The following DPYSL4 variants were observed in gnomAD, a reference collection of about 807,000 sequenced individuals.
DPYSL4 encodes dihydropyrimidinase-related protein 4.
A neutral mutation model predicts 63.4 loss-of-function variants in DPYSL4; 43 were observed. That is an observed-to-expected ratio of 0.68 (90% CI 0.53 to 0.88). The LOEUF is 0.88. DPYSL4 is among the 40% of genes least tolerant of loss of function. DPYSL4 has a pLI of 0.00. For missense variants in DPYSL4, 733 were observed against 819.5 expected, an observed-to-expected ratio of 0.89 and a Z score of 1.29; for synonymous variants, 353 against 331.7, an observed-to-expected ratio of 1.06 and a Z score of -0.70.
chr10:132,197,271 A>C (rs566490249), intron 6 of DPYSL4, among the ~76,000 whole-genome samples, 170 bp downstream of exon 6: 67 of 152,332 alleles, frequency 4.4e-4, no homozygotes, highest in African/African-American at 1.6e-3. Flanking sequence ...GTCAAAGGTC[A>C]ACCAGTGAGT....
chr10:132,201,294 C>A (rs1202798236), intron 10 of DPYSL4, among the ~76,000 whole-genome samples: 1 of 152,144 alleles, frequency 6.6e-6, no homozygotes, highest in Non-Finnish European at 1.5e-5. Context: ...TAGTGCTCCC[C>A]CGCGATGCCC....
At chr10:132,199,005 G>A in intron 8 of DPYSL4, 34 bp downstream of exon 8, 1 of 1,533,122 alleles carries the variant, frequency 6.5e-7, no homozygotes, top group Non-Finnish European at 8.9e-7. Context: ...ATGCCGAGGG[G>A]CCATGGTCTC....
At chr10:132,190,553 CA>C (rs1321971288) in intron 1 of DPYSL4, among the ~76,000 whole-genome samples, 193 bp from the exon 2 acceptor site, 2 of 152,250 alleles carry the variant, frequency 1.3e-5, no homozygotes, top group Non-Finnish European at 2.9e-5. Flanking sequence ...GTGGCACTTC[CA>C]GGGGCAACTG....
chr10:132,202,182 C>T (rs926909649), intron 11 of DPYSL4, 66 bp downstream of exon 11: 227 of 1,562,282 alleles, frequency 1.5e-4, no homozygotes, highest in Non-Finnish European at 1.8e-4. Flanking sequence ...GCAGCCTTCC[C>T]AGGAGAGGCG....
chr10:132,189,975 G>A (rs570017115), intron 1 of DPYSL4, among the ~76,000 whole-genome samples: 11 of 152,288 alleles, frequency 7.2e-5, no homozygotes, highest in South Asian at 2.1e-4. Context: ...CTCCTCCCAG[G>A]TCTGCTGATG....
At position 132,192,440 on chromosome 10, in the gene DPYSL4, G is replaced by C. The variant is rs560986958; in HGVS notation, c.129-218G>C. ...GAAAACCACAGGGCGTGGCGTCTGC[G>C]TGAGGCTGGACCCTGCAGTGACCGT... is the stretch of plus-strand genomic sequence containing the variant. On this transcript the variant is annotated intron_variant, in intron 2 of 13. Coordinates refer to ENST00000338492, the MANE Select transcript of DPYSL4 (RefSeq NM_006426.3). The C allele has an allele frequency of 9.0e-5, 108 of 1,205,908 alleles. No individual in the cohort carries two copies. The East Asian group carries it at 2.0e-3, about 22-fold the overall frequency. The allele number at this position is 1,205,908 out of a possible 1,614,324, so 74.7% of individuals were successfully genotyped here.
intron 8 of DPYSL4, among the ~76,000 whole-genome samples, chr10:132,199,696 TGGTGGTGGTGGTG>T (rs2061987470): frequency 1.6e-5 from 1 of 63,676 alleles, no homozygotes; most frequent in South Asian, 5.3e-4. Context: ...GGGGGCGGGG[TGGTGGTGGTGGTG>T]GGTGGTGCCC....
Position 132,200,629 on chromosome 10 carries a change from C to T in DPYSL4, c.968+117C>T, listed in dbSNP as rs547091651. The T allele has an allele frequency of 1.2e-4, 172 of 1,430,608 alleles. No individual in the cohort carries two copies. The African/African-American group carries it at 2.1e-3, about 17-fold the overall frequency. 88.6% of individuals were successfully genotyped at this position (1,430,608 alleles called of 1,614,324 possible). On this transcript the variant is annotated intron_variant, in intron 9 of 13. Coordinates refer to ENST00000338492, the MANE Select transcript of DPYSL4 (RefSeq NM_006426.3). ...TCCCATAGGGCAGCCCGGACAGTGGCGGGTGGGGAAGTCTGAGCCCTTTGG... is the reference window on the plus strand; with the variant it reads ...TCCCATAGGGCAGCCCGGACAGTGGTGGGTGGGGAAGTCTGAGCCCTTTGG...
intron 9 of DPYSL4, 56 bp from the exon 10 acceptor site, chr10:132,200,786 C>A: frequency 6.3e-7 from 1 of 1,586,862 alleles, no homozygotes; most frequent in Admixed American, 1.7e-5. Flanking sequence ...CTGGAGCTGA[C>A]CTGGCCTCTG....
chr10:132,190,408 G>A (rs977666144), intron 1 of DPYSL4, among the ~76,000 whole-genome samples: 11 of 152,218 alleles, frequency 7.2e-5, no homozygotes, highest in Admixed American at 2.6e-4. Context: ...GGCAGCGTTC[G>A]CCTCCCACCT....
intron 8 of DPYSL4, among the ~76,000 whole-genome samples, 176 bp from the exon 9 acceptor site, chr10:132,200,180 C>T (rs1349164405): frequency 6.6e-6 from 1 of 152,212 alleles, no homozygotes; most frequent in Non-Finnish European, 1.5e-5. Flanking sequence ...CCACGTCTGC[C>T]CGCGACCCAG....
chr10:132,198,626 C>T (rs985638979), intron 7 of DPYSL4, 143 bp downstream of exon 7: 108 of 1,060,990 alleles, frequency 1.0e-4, no homozygotes, highest in Non-Finnish European at 1.3e-4. Context: ...GAATCCTCCC[C>T]GTGCCAGGCA....
intron 1 of DPYSL4, among the ~76,000 whole-genome samples, chr10:132,188,921 C>T (rs1395660423): frequency 6.6e-6 from 1 of 152,222 alleles, no homozygotes; most frequent in African/African-American, 2.4e-5. Context: ...AGTCTGCCAA[C>T]CGTTTGTAGA....
chr10:132,189,250 T>C (rs2061842699), intron 1 of DPYSL4, among the ~76,000 whole-genome samples: 1 of 152,254 alleles, frequency 6.6e-6, no homozygotes, highest in Non-Finnish European at 1.5e-5. Flanking sequence ...CGCCAGACGG[T>C]GGAGGGAAAA....
chr10:132,190,037 G>A (rs996868987), intron 1 of DPYSL4, among the ~76,000 whole-genome samples: 3 of 152,208 alleles, frequency 2.0e-5, no homozygotes, highest in African/African-American at 4.8e-5. Flanking sequence ...TGGCTGGAAC[G>A]CTCGCCATGT....
At chr10:132,197,627 G>A (rs1404490205) in intron 6 of DPYSL4, among the ~76,000 whole-genome samples, 2 of 152,210 alleles carry the variant, frequency 1.3e-5, no homozygotes, top group African/African-American at 2.4e-5. Context: ...ATGGAGTTCA[G>A]AGAGTGGGCC....
chr10:132,197,195 T>C, intron 6 of DPYSL4, 94 bp downstream of exon 6: 1 of 1,112,002 alleles, frequency 9.0e-7, no homozygotes, highest in Non-Finnish European at 1.2e-6. Context: ...AGGGTGACTT[T>C]CATGATACGC....
At chr10:132,200,140 T>TC (rs2061993571) in intron 8 of DPYSL4, among the ~76,000 whole-genome samples, 1 of 152,002 alleles carries the variant, frequency 6.6e-6, no homozygotes, top group Non-Finnish European at 1.5e-5. Flanking sequence ...CAGGCCAGAC[T>TC]CCCTTTCCCA....
At position 132,200,955 on chromosome 10, in the gene DPYSL4, G is replaced by T; in HGVS notation, c.1082G>T (p.Arg361Leu). The change falls in exon 10 of 14, where the codon CGC (arginine) becomes CTC (leucine). Residue 361 changes from arginine to leucine, a missense_variant. Coordinates refer to ENST00000338492, the MANE Select transcript of DPYSL4 (RefSeq NM_006426.3). ...GAGGGCACCAACGGCATTGAGGAGCGCATGTCGATGGTCTGGGAGAAATGT... is the reference window on the plus strand; with the variant it reads ...GAGGGCACCAACGGCATTGAGGAGCTCATGTCGATGGTCTGGGAGAAATGT... ...IPEGTNGIEE[R>L]MSMVWEKCVA... The T allele has an allele frequency of 6.2e-7, 1 of 1,613,262 alleles. No homozygotes were observed. Among genetic ancestry groups the T allele is most frequent in the South Asian group, 1.1e-5 (1 of 91,078 alleles).
Sources: allele counts gnomAD v4.1 joint callset (sites outside exome capture counted in the v4.1 genomes callset), GRCh38; gene constraint gnomAD v4.1.1; transcripts MANE v1.5; gene names NCBI Gene and HGNC (gene_info 2026-07-23, HGNC 2026-07-21).